The following SHANK2 variants were observed in gnomAD, a reference collection of about 807,000 sequenced individuals.
SHANK2 encodes SH3 and multiple ankyrin repeat domains protein 2.
SHANK2 carries 43 observed loss-of-function variants against 133.7 expected under a neutral mutation model. That is an observed-to-expected ratio of 0.32 (90% CI 0.25 to 0.41). The LOEUF (loss-of-function observed/expected upper bound fraction) is 0.41, where lower values mean the gene tolerates loss of function less well. Ranked by LOEUF, SHANK2 falls within the 10% of genes least tolerant of loss-of-function variation. The pLI is 1.00. For synonymous variants in SHANK2, 1,017 were observed against 952.8 expected (o/e 1.07, Z -1.24); for missense variants, 1,994 against 2,235.8 (o/e 0.89, Z 2.18).
intron 17 of SHANK2, among the ~76,000 whole-genome samples, chr11:70,539,519 G>GCTCA (rs1173287137): frequency 6.6e-6 from 1 of 150,734 alleles, no homozygotes. Context: ...CACTCGCCAC[G>GCTCA]CTCACCACGC....
chr11:70,501,324 G>T (rs973825404), intron 20 of SHANK2, among the ~76,000 whole-genome samples: 1 of 152,234 alleles, frequency 6.6e-6, no homozygotes, highest in African/African-American at 2.4e-5. Flanking sequence ...GACTCCTCTC[G>T]GGAAAGCTGC....
At chr11:70,834,247 G>A (rs1948772399) in intron 11 of SHANK2, among the ~76,000 whole-genome samples, 1 of 152,162 alleles carries the variant, frequency 6.6e-6, no homozygotes, top group South Asian at 2.1e-4. Flanking sequence ...CTCTAACTCT[G>A]GTCCCACCCC....
chr11:71,089,938 G>A (rs1386663653), intron 8 of SHANK2, among the ~76,000 whole-genome samples: 1 of 152,202 alleles, frequency 6.6e-6, no homozygotes, highest in African/African-American at 2.4e-5. Flanking sequence ...ACACTGGCGA[G>A]TTTCCACCAG....
chr11:70,880,954 A>G (rs782501580), intron 11 of SHANK2, among the ~76,000 whole-genome samples: 4 of 152,192 alleles, frequency 2.6e-5, no homozygotes, highest in Non-Finnish European at 4.4e-5. Flanking sequence ...ACCCTTTCAC[A>G]TTCTGAGTCT....
intron 9 of SHANK2, among the ~76,000 whole-genome samples, chr11:71,069,309 T>A (rs994407414): frequency 1.3e-5 from 2 of 151,496 alleles, no homozygotes; most frequent in Admixed American, 1.3e-4. Flanking sequence ...TTCACCATCA[T>A]CACTATCAAC....
At chr11:70,655,732 TAGG>T (rs2061397396) in intron 17 of SHANK2, among the ~76,000 whole-genome samples, 1 of 152,170 alleles carries the variant, frequency 6.6e-6, no homozygotes, top group Admixed American at 6.5e-5. Flanking sequence ...GTCTTAAGAC[TAGG>T]AGATTAACGC....
At chr11:70,526,711 C>A (rs2059402536) in intron 17 of SHANK2, among the ~76,000 whole-genome samples, 1 of 152,210 alleles carries the variant, frequency 6.6e-6, no homozygotes, top group Admixed American at 6.5e-5. Context: ...AAAATAAAGT[C>A]TCCTTTCGAA....
intron 17 of SHANK2, among the ~76,000 whole-genome samples, chr11:70,630,549 A>G (rs1208208876): frequency 2.6e-5 from 4 of 152,204 alleles, no homozygotes; most frequent in African/African-American, 9.6e-5. Context: ...TGGAGATGCA[A>G]TCACTTGGGA....
intron 17 of SHANK2, among the ~76,000 whole-genome samples, chr11:70,586,055 G>C (rs1482343731): frequency 2.6e-5 from 4 of 152,196 alleles, no homozygotes; most frequent in African/African-American, 4.8e-5. Flanking sequence ...CAACCTGCAA[G>C]TGACAACTGA....
chr11:70,505,994 T>C (rs2059131381), intron 17 of SHANK2, among the ~76,000 whole-genome samples: 1 of 152,168 alleles, frequency 6.6e-6, no homozygotes, highest in South Asian at 2.1e-4. Context: ...TTTGTTCCTG[T>C]GCCTTGGAAG....
chr11:71,171,996 G>C (rs1953323995), intron 2 of SHANK2, among the ~76,000 whole-genome samples: 1 of 152,156 alleles, frequency 6.6e-6, no homozygotes, highest in African/African-American at 2.4e-5. Flanking sequence ...GGCCTCCTTG[G>C]GGCAGCAGCA....
At chr11:70,643,545 G>A (rs1401071554) in intron 17 of SHANK2, among the ~76,000 whole-genome samples, 6 of 143,722 alleles carry the variant, frequency 4.2e-5, no homozygotes, top group African/African-American at 7.7e-5. Context: ...CAGCCTGGGC[G>A]ACAGAGTGAG....
At chr11:70,550,014 C>G (rs1419889480) in intron 17 of SHANK2, among the ~76,000 whole-genome samples, 2 of 152,154 alleles carry the variant, frequency 1.3e-5, no homozygotes, top group African/African-American at 4.8e-5. Flanking sequence ...TGTAGCCTCC[C>G]CGGTCCCCCA....
At chr11:70,564,231 T>C (rs1554981409) in intron 17 of SHANK2, among the ~76,000 whole-genome samples, 1 of 152,070 alleles carries the variant, frequency 6.6e-6, no homozygotes, top group African/African-American at 2.4e-5. Context: ...AGTTCCCTCA[T>C]TATTTCTTCA....
chr11:70,794,172 T>C (rs1459152837), intron 14 of SHANK2, among the ~76,000 whole-genome samples: 1 of 151,038 alleles, frequency 6.6e-6, no homozygotes, highest in Non-Finnish European at 1.5e-5. Context: ...TCCCAGCTAC[T>C]AGGGAGGCTG....
chr11:71,244,086 C>T (rs541498973), intron 1 of SHANK2, among the ~76,000 whole-genome samples: 1 of 152,352 alleles, frequency 6.6e-6, no homozygotes, highest in South Asian at 2.1e-4. Flanking sequence ...GGCAGCCAGA[C>T]ACCTACAAAG....
chr11:70,891,461 C>T (rs1448519520), intron 11 of SHANK2, among the ~76,000 whole-genome samples: 1 of 152,176 alleles, frequency 6.6e-6, no homozygotes, highest in Non-Finnish European at 1.5e-5. Context: ...GAGATCGCGC[C>T]ACTGCACTCC....
chr11:70,508,641 C>G (rs1222531603), intron 17 of SHANK2, among the ~76,000 whole-genome samples: 1 of 152,110 alleles, frequency 6.6e-6, no homozygotes, highest in Non-Finnish European at 1.5e-5. Context: ...ACTTGTAATC[C>G]CAGCACTCCG....
At chr11:71,191,620 CG>C (rs1246531169) in intron 2 of SHANK2, among the ~76,000 whole-genome samples, 1 of 152,098 alleles carries the variant, frequency 6.6e-6, no homozygotes, top group African/African-American at 2.4e-5. Flanking sequence ...AGTGCAATGG[CG>C]TGATCTCAGC....
Sources: gnomAD v4.1 joint callset for allele counts (sites outside exome capture counted in the v4.1 genomes callset) on GRCh38, gnomAD v4.1.1 for gene constraint, MANE v1.5 for transcripts, NCBI Gene and HGNC (gene_info 2026-07-23, HGNC 2026-07-21) for gene names.